TENM2: variants seen among roughly 807,000 people sequenced by gnomAD.
TENM2 encodes teneurin transmembrane protein 2, also known as teneurin-2.
In TENM2, 52 loss-of-function variants were observed where a neutral mutation model predicts 245.2. The ratio of observed to expected loss-of-function variants is 0.21; its 90% CI spans 0.17 to 0.27. TENM2 has a LOEUF of 0.27. Among genes scored for constraint, TENM2 ranks in the 10% least tolerant of loss-of-function variants. The pLI, the probability that TENM2 is intolerant of heterozygous loss-of-function variation, is 1.00. For missense variants in TENM2, 3,046 were observed against 3,666.8 expected, an observed-to-expected ratio of 0.83 and a Z score of 4.37; for synonymous variants, 1,363 against 1,438.9, an observed-to-expected ratio of 0.95 and a Z score of 1.19.
chr5:167,356,611 C>G (rs913411657), intron 1 of TENM2, among the ~76,000 whole-genome samples: 1 of 152,166 alleles, frequency 6.6e-6, no homozygotes, highest in African/African-American at 2.4e-5. Flanking sequence ...GGCCAAATGG[C>G]CAGAGTATTT....
At chr5:166,988,032 T>G in the TENM2 span, among the ~76,000 whole-genome samples, 14 of 152,310 alleles carry the variant, frequency 9.2e-5, no homozygotes, top group East Asian at 2.7e-3. Flanking sequence ...GGTAATATTC[T>G]TGAAAAGCAC....
chr5:167,976,168 C>A (rs1192134177), intron 4 of TENM2, among the ~76,000 whole-genome samples: 4 of 152,092 alleles, frequency 2.6e-5, no homozygotes, highest in Non-Finnish European at 5.9e-5. Context: ...ATCTACCCAG[C>A]AAATGCATCT....
At chr5:167,780,117 C>T (rs2150826634) in intron 2 of TENM2, among the ~76,000 whole-genome samples, 1 of 152,304 alleles carries the variant, frequency 6.6e-6, no homozygotes, top group African/African-American at 2.4e-5. Context: ...AGCACTGAAT[C>T]ACACAGCACA....
At chr5:167,167,337 C>A in the TENM2 span, among the ~76,000 whole-genome samples, 1 of 152,112 alleles carries the variant, frequency 6.6e-6, no homozygotes, top group African/African-American at 2.4e-5. Flanking sequence ...TGTTCACGCC[C>A]CAGGCCATGC....
At chr5:168,258,603 A>G (rs1332303737) in intron 27 of TENM2, among the ~76,000 whole-genome samples, 2 of 152,210 alleles carry the variant, frequency 1.3e-5, no homozygotes, top group African/African-American at 2.4e-5. Context: ...TTAGAACCTT[A>G]AAAACATCAT....
At chr5:167,892,276 A>G (rs1774823399) in intron 3 of TENM2, among the ~76,000 whole-genome samples, 1 of 152,236 alleles carries the variant, frequency 6.6e-6, no homozygotes, top group African/African-American at 2.4e-5. Context: ...AGTCAAATAC[A>G]GTTCCTTATA....
chr5:167,683,734 G>A (rs868271606), intron 2 of TENM2, among the ~76,000 whole-genome samples: 1 of 152,124 alleles, frequency 6.6e-6, no homozygotes, highest in Non-Finnish European at 1.5e-5. Flanking sequence ...GGAAGAAAAC[G>A]AAATGTTCCA....
chr5:168,053,447 C>T (rs140786026), intron 6 of TENM2, among the ~76,000 whole-genome samples: 162 of 152,274 alleles, frequency 1.1e-3, no homozygotes, highest in African/African-American at 3.7e-3. Flanking sequence ...ACCCAGATAT[C>T]TGGTCTATGA....
chr5:167,463,849 G>T (rs776771529), intron 2 of TENM2, among the ~76,000 whole-genome samples: 2 of 152,190 alleles, frequency 1.3e-5, no homozygotes, highest in Non-Finnish European at 2.9e-5. Context: ...CTTTGCAAGA[G>T]TGTTAGTTGT....
intron 5 of TENM2, among the ~76,000 whole-genome samples, chr5:168,017,171 G>A (rs1010384062): frequency 3.3e-5 from 5 of 152,168 alleles, no homozygotes; most frequent in African/African-American, 1.2e-4. Flanking sequence ...AGAGACAATT[G>A]ATGATTGATG....
intron 1 of TENM2, among the ~76,000 whole-genome samples, chr5:167,367,729 G>A (rs1760147412): frequency 1.3e-5 from 2 of 151,722 alleles, no homozygotes; most frequent in African/African-American, 4.8e-5. Flanking sequence ...TCTACAATTG[G>A]CCAACATTTA....
intron 2 of TENM2, among the ~76,000 whole-genome samples, chr5:167,442,497 AGCC>A: frequency 6.6e-6 from 1 of 152,242 alleles, no homozygotes; most frequent in South Asian, 2.1e-4. Context: ...TCCCACCAGC[AGCC>A]TAGGAAATGT....
chr5:167,506,581 G>A (rs955305225), intron 2 of TENM2, among the ~76,000 whole-genome samples: 1 of 152,168 alleles, frequency 6.6e-6, no homozygotes, highest in East Asian at 1.9e-4. Flanking sequence ...CAGCAATCAA[G>A]TCAGATTTGA....
chr5:168,152,431 G>A (rs538733222), intron 12 of TENM2, among the ~76,000 whole-genome samples: 4 of 152,272 alleles, frequency 2.6e-5, no homozygotes, highest in East Asian at 3.9e-4. Flanking sequence ...AAAGAGAGCC[G>A]TCAACCCTGC....
intron 2 of TENM2, among the ~76,000 whole-genome samples, chr5:167,484,089 G>C (rs1767921295): frequency 6.6e-6 from 1 of 152,192 alleles, no homozygotes; most frequent in South Asian, 2.1e-4. Context: ...GCTCACGCCT[G>C]TAATCCCAGC....
intron 2 of TENM2, among the ~76,000 whole-genome samples, chr5:167,775,609 G>A (rs1437266207): frequency 6.6e-6 from 1 of 152,082 alleles, no homozygotes; most frequent in Non-Finnish European, 1.5e-5. Flanking sequence ...TTCAGTCAAG[G>A]ACTGTTCATT....
At chr5:167,815,972 TTGTGTGTGTG>T (rs34151147) in intron 2 of TENM2, among the ~76,000 whole-genome samples, 33 of 144,128 alleles carry the variant, frequency 2.3e-4, no homozygotes, top group South Asian at 9.1e-4. Context: ...TTATGATCCT[TTGTGTGTGTG>T]TGTGTGTGTG....
intron 1 of TENM2, among the ~76,000 whole-genome samples, chr5:167,347,948 G>T (rs1758569955): frequency 6.6e-6 from 1 of 152,056 alleles, no homozygotes; most frequent in South Asian, 2.1e-4. Flanking sequence ...GAATCTACAG[G>T]GGCAACCACC....
chr5:167,697,594 C>T (rs1444604886), intron 2 of TENM2, among the ~76,000 whole-genome samples: 7 of 152,252 alleles, frequency 4.6e-5, no homozygotes, highest in East Asian at 3.9e-4. Flanking sequence ...GGCACCATCT[C>T]GGCTCACTGC....
Sources: allele counts gnomAD v4.1 joint callset (sites outside exome capture counted in the v4.1 genomes callset), GRCh38; gene constraint gnomAD v4.1.1; transcripts MANE v1.5; gene names NCBI Gene and HGNC (gene_info 2026-07-23, HGNC 2026-07-21).